AMTN: variants seen among roughly 807,000 people sequenced by gnomAD.
AMTN encodes amelotin.
AMTN carries 29 observed loss-of-function variants against 27.4 expected under a neutral mutation model. The observed-to-expected ratio is 1.06, with a 90% CI of 0.79 to 1.44. The LOEUF (loss-of-function observed/expected upper bound fraction) is 1.44. AMTN is among the 40% of genes most tolerant of loss of function. The probability of loss-of-function intolerance (pLI) is 0.00; values close to 1 mark genes in which losing one functional copy is unlikely to be tolerated. For missense variants in AMTN, 247 were observed against 248.8 expected (o/e 0.99, Z 0.05); for synonymous variants, 86 against 95.7 (o/e 0.90, Z 0.59).
At chr4:70,529,855 G>A (rs921240076) in intron 7 of AMTN, among the ~76,000 whole-genome samples, 1 of 152,160 alleles carries the variant, frequency 6.6e-6, no homozygotes, top group Non-Finnish European at 1.5e-5. Context: ...TATGGAAAAT[G>A]TAGATATTTT....
chr4:70,532,671 A>G lies in AMTN; in HGVS notation c.*206A>G. On this transcript the variant is annotated 3_prime_UTR_variant, in exon 9 of 9. Transcript: ENST00000339336. Reference sequence around the variant, plus strand: ...ACTTTTAAAAACAATAATTCAATGGATAAATCTGTCTTTGAAATATAACAT... The same window carrying G: ...ACTTTTAAAAACAATAATTCAATGGGTAAATCTGTCTTTGAAATATAACAT... 1 of 502,142 alleles carries G rather than the reference A, an allele frequency of 2.0e-6. No homozygotes were observed. The highest frequency in any genetic ancestry group is 3.5e-6 in the Non-Finnish European group (1 of 284,696). 31.1% of individuals were successfully genotyped at this position (502,142 alleles called of 1,614,324 possible). A position where few individuals can be genotyped will look rare whatever the true frequency, so the allele number is the denominator to read the frequency against.
Position 70,522,753 on chromosome 4 carries a change from A to G in AMTN, c.55-2A>G. ...TCAAATATGTATTTGTTTTCACAAAAGCAGCTCAAACCTGCTTTGGGACTC... is the reference window on the plus strand; with the variant it reads ...TCAAATATGTATTTGTTTTCACAAAGGCAGCTCAAACCTGCTTTGGGACTC... On this transcript the variant is annotated splice_acceptor_variant, in intron 2 of 8. Transcript: ENST00000339336. LOFTEE classifies it high-confidence loss of function. 1 of 1,614,028 alleles carries G rather than the reference A, an allele frequency of 6.2e-7. No homozygotes were observed. The highest frequency in any genetic ancestry group is 8.5e-7 in the Non-Finnish European group (1 of 1,179,870).
intron 5 of AMTN, among the ~76,000 whole-genome samples, chr4:70,526,814 A>G (rs1016866778): frequency 5.9e-5 from 9 of 152,126 alleles, no homozygotes; most frequent in Non-Finnish European, 1.2e-4. Flanking sequence ...GTGCAATATT[A>G]TAAATCAGTC....
chr4:70,524,976 T>G lies in AMTN; in HGVS notation c.294+15T>G. ...TGCACCCACATGTAAGTTGAACAGC[T>G]GGACCTTAGTTTTAACATTAGAGAG... On this transcript the variant is annotated intron_variant, in intron 5 of 8. Transcript: ENST00000339336. 6.2e-7 allele frequency: 1 copy of G among 1,609,676 alleles called. No individual in the cohort carries two copies. The highest frequency in any genetic ancestry group is 8.5e-7 in the Non-Finnish European group (1 of 1,176,550).
At chr4:70,528,909 A>G (rs1736155946) in intron 6 of AMTN, 151 bp downstream of exon 6, 1 of 714,618 alleles carries the variant, frequency 1.4e-6, no homozygotes, top group South Asian at 2.2e-5. Context: ...TTTCTGCATA[A>G]GTTTTCTTCA....
At position 70,532,438 on chromosome 4, in the gene AMTN, G is replaced by A. The variant is rs76922518; in HGVS notation, c.620-17G>A. 40,247 of 1,590,176 alleles carry A rather than the reference G, an allele frequency of 0.025. 583 individuals carry two copies. Among genetic ancestry groups the A allele is most frequent in the Non-Finnish European group, 0.029 (33,464 of 1,163,920 alleles). The stretch of plus-strand genomic sequence containing the variant: ...TACTTTTTACCTACATTTAAAAGGT[G>A]TTTTATTTTCTTCCAGGAATTCAGT... On this transcript the variant is annotated splice_polypyrimidine_tract_variant and intron_variant, in intron 8 of 8. Coordinates refer to ENST00000339336, the MANE Select transcript of AMTN (RefSeq NM_212557.4).
At chr4:70,529,002 C>CT (rs1296954357) in intron 6 of AMTN, among the ~76,000 whole-genome samples, 182 bp from the exon 7 acceptor site, 2 of 152,116 alleles carry the variant, frequency 1.3e-5, no homozygotes, top group African/African-American at 4.8e-5. Context: ...TGTCAGCAGT[C>CT]TCACATCATA....
At chr4:70,528,953 C>CT (rs1444403917) in intron 6 of AMTN, among the ~76,000 whole-genome samples, 195 bp downstream of exon 6, 1 of 152,130 alleles carries the variant, frequency 6.6e-6, no homozygotes. Context: ...AAAATATATA[C>CT]TTTTTGGATG....
chr4:70,530,532 C>T (rs1044128057), intron 7 of AMTN, among the ~76,000 whole-genome samples: 1 of 152,280 alleles, frequency 6.6e-6, no homozygotes, highest in Non-Finnish European at 1.5e-5. Context: ...TTGCTAGGTC[C>T]TGCTCCAGAC....
chr4:70,523,937 A>G lies in AMTN; in HGVS notation c.204+4A>G. ...ACTGGGGCCAGATCTGCATCTGGTA[A>G]GTGATTGTTTATATTATTTTAATAC... On this transcript the variant is annotated splice_donor_region_variant and intron_variant, in intron 4 of 8. Transcript: ENST00000339336. 1 of 1,610,062 alleles carries G rather than the reference A, an allele frequency of 6.2e-7. No individual in the cohort carries two copies. Among genetic ancestry groups the G allele is most frequent in the Non-Finnish European group, 8.5e-7 (1 of 1,176,512 alleles).
chr4:70,518,603 G>A lies in AMTN; in HGVS notation c.-67G>A. 2 of 573,978 alleles carry A rather than the reference G, an allele frequency of 3.5e-6. No individual in the cohort carries two copies. The highest frequency in any genetic ancestry group is 3.0e-5 in the East Asian group (1 of 33,490). The allele number at this position is 573,978 out of a possible 1,614,324, so 35.6% of individuals were successfully genotyped here. A position where few individuals can be genotyped will look rare whatever the true frequency, so the allele number is the denominator to read the frequency against. On this transcript the variant is annotated 5_prime_UTR_variant, in exon 1 of 9. Coordinates refer to ENST00000339336, the MANE Select transcript of AMTN (RefSeq NM_212557.4). ...TAAAATTTTTCACCAGAGTAAACTT[G>A]AGAAACCAACTGGACCTTGAGTATT...
intron 8 of AMTN, among the ~76,000 whole-genome samples, chr4:70,531,815 C>A (rs929747730): frequency 1.3e-5 from 2 of 151,940 alleles, no homozygotes; most frequent in Non-Finnish European, 2.9e-5. Context: ...CCTGACCATA[C>A]AAGCTAATTT....
At chr4:70,525,215 G>C (rs556682939) in intron 5 of AMTN, among the ~76,000 whole-genome samples, 6 of 152,296 alleles carry the variant, frequency 3.9e-5, no homozygotes, top group South Asian at 2.1e-4. Flanking sequence ...ACCTTGAAAA[G>C]TTGGGGAAGA....
At chr4:70,528,934 AATGATAGAAAAATATAT>A (rs1736156388) in intron 6 of AMTN, among the ~76,000 whole-genome samples, 176 bp downstream of exon 6, 1 of 152,194 alleles carries the variant, frequency 6.6e-6, no homozygotes, top group African/African-American at 2.4e-5. Flanking sequence ...ACATCCACTT[AATGATAGAAAAATATAT>A]ACTTTTTGGA....
chr4:70,527,109 C>A (rs1736116789), intron 5 of AMTN, among the ~76,000 whole-genome samples: 2 of 152,204 alleles, frequency 1.3e-5, no homozygotes, highest in South Asian at 4.1e-4. Flanking sequence ...CACTCTGTGG[C>A]TCATTTTGCT....
At chr4:70,524,115 C>A (rs768634307) in intron 4 of AMTN, among the ~76,000 whole-genome samples, 182 bp downstream of exon 4, 2 of 152,168 alleles carry the variant, frequency 1.3e-5, no homozygotes, top group African/African-American at 2.4e-5. Context: ...CATCATTAAA[C>A]GTTTTTCTTA....
chr4:70,521,015 A>G (rs1019174580), intron 2 of AMTN, among the ~76,000 whole-genome samples: 2 of 152,120 alleles, frequency 1.3e-5, no homozygotes, highest in African/African-American at 4.8e-5. Flanking sequence ...GGTAGGAAAG[A>G]TCAGAGAGCT....
At position 70,518,634 on chromosome 4, in the gene AMTN, T is replaced by A; in HGVS notation, c.-36T>A. ...CCAACTGGACCTTGAGTATTGTACA[T>A]TTTGCCTCGTGGACCCAAAGGTAAC... On this transcript the variant is annotated 5_prime_UTR_variant, in exon 1 of 9. Coordinates refer to ENST00000339336, the MANE Select transcript of AMTN (RefSeq NM_212557.4). The A allele has an allele frequency of 1.5e-6, 1 of 657,294 alleles. No individual in the cohort carries two copies. Among genetic ancestry groups the A allele is most frequent in the Non-Finnish European group, 2.6e-6 (1 of 378,510 alleles). The allele number at this position is 657,294 out of a possible 1,614,324, so 40.7% of individuals were successfully genotyped here.
In AMTN at chr4:70,521,641, T is replaced by TC. The variant is rs1491483946; in HGVS notation, c.55-1114_55-1113insC. ...CTAGAACAGATAATACCAACCTCTC[T>TC]TTTTTTTTTTTTTTTTTTTTTTTTT... On this transcript the variant is annotated intron_variant, in intron 2 of 8. Coordinates refer to ENST00000339336, the MANE Select transcript of AMTN (RefSeq NM_212557.4). 5.2e-3 allele frequency among the ~76,000 whole-genome samples: 39 copies of TC among 7,572 alleles called. 2 individuals carry two copies. Among genetic ancestry groups the TC allele is most frequent in the Middle Eastern group, 0.029 (1 of 34 alleles). The allele number at this position is 7,572 out of a possible 152,430, so 5.0% of individuals were successfully genotyped here.
Sources: allele counts gnomAD v4.1 joint callset (sites outside exome capture counted in the v4.1 genomes callset), GRCh38; gene constraint gnomAD v4.1.1; transcripts MANE v1.5; gene names NCBI Gene and HGNC (gene_info 2026-07-23, HGNC 2026-07-21).